ATP8B1: variants seen among roughly 807,000 people sequenced by gnomAD.
The protein encoded by ATP8B1 is phospholipid-transporting ATPase IC.
A neutral mutation model predicts 149.9 loss-of-function variants in ATP8B1; 80 were observed. The ratio of observed to expected loss-of-function variants is 0.53; its 90% CI spans 0.45 to 0.64. The LOEUF (loss-of-function observed/expected upper bound fraction) is 0.64. Ranked by LOEUF, ATP8B1 falls within the 30% of genes least tolerant of loss-of-function variation. ATP8B1 has a pLI of 0.00. For missense variants in ATP8B1, 1,247 were observed against 1,552.6 expected (o/e 0.80, Z 3.31); for synonymous variants, 536 against 562.8 (o/e 0.95, Z 0.67).
At chr18:57,697,731 G>C in intron 7 of ATP8B1, 43 bp from the exon 8 acceptor site, 1 of 1,612,972 alleles carries the variant, frequency 6.2e-7, no homozygotes, top group Non-Finnish European at 8.5e-7. Context: ...GACCCTGAGG[G>C]AAAAGCCGAG....
intron 1 of ATP8B1, among the ~76,000 whole-genome samples, chr18:57,788,530 G>T (rs1187571056): frequency 6.6e-6 from 1 of 151,470 alleles, no homozygotes; most frequent in Non-Finnish European, 1.5e-5. Context: ...ACTCCAGCCT[G>T]GGTGACAGAG....
At chr18:57,665,724 T>C (rs978535404) in intron 20 of ATP8B1, among the ~76,000 whole-genome samples, 2 of 152,088 alleles carry the variant, frequency 1.3e-5, no homozygotes, top group African/African-American at 2.4e-5. Context: ...GGCTAATTTT[T>C]GTATTTTTAG....
At chr18:57,724,562 C>A (rs2079684540) in intron 2 of ATP8B1, among the ~76,000 whole-genome samples, 1 of 152,000 alleles carries the variant, frequency 6.6e-6, no homozygotes, top group Non-Finnish European at 1.5e-5. Context: ...TACCATCTCA[C>A]ACCAGTTAGA....
At chr18:57,746,019 A>G (rs183595097) in intron 1 of ATP8B1, among the ~76,000 whole-genome samples, 1 of 152,196 alleles carries the variant, frequency 6.6e-6, no homozygotes, top group Non-Finnish European at 1.5e-5. Context: ...TAATAACACT[A>G]TCAGATGAAA....
chr18:57,786,307 A>G (rs1054403681), intron 1 of ATP8B1, among the ~76,000 whole-genome samples: 1 of 152,176 alleles, frequency 6.6e-6, no homozygotes, highest in African/African-American at 2.4e-5. Context: ...AAGGAATCCT[A>G]ACACACCTTT....
Position 57,648,098 on chromosome 18 carries a change from T to C in ATP8B1, c.*390A>G. The C allele has an allele frequency of 8.6e-6, 3 of 348,122 alleles. No individual in the cohort carries two copies. The highest frequency in any genetic ancestry group is 1.7e-5 in the Non-Finnish European group (3 of 178,950). 21.6% of individuals were successfully genotyped at this position (348,122 alleles called of 1,614,324 possible). On this transcript the variant is annotated 3_prime_UTR_variant, in exon 28 of 28. Transcript: ENST00000648908. ...ATCTCCCAGGTTCAAGCGATTCTTC[T>C]GCTTCAGCTTCTCAAATAGGTGGGA... is the stretch of plus-strand genomic sequence containing the variant.
At chr18:57,772,447 A>G (rs1249322807) in intron 1 of ATP8B1, among the ~76,000 whole-genome samples, 1 of 152,210 alleles carries the variant, frequency 6.6e-6, no homozygotes, top group Admixed American at 6.5e-5. Flanking sequence ...GAAGGCACAC[A>G]GGATTAGTTC....
At chr18:57,699,617 G>A (rs768901756) in intron 6 of ATP8B1, among the ~76,000 whole-genome samples, 1 of 152,012 alleles carries the variant, frequency 6.6e-6, no homozygotes, top group Non-Finnish European at 1.5e-5. Context: ...CCAGCTACTC[G>A]GGAAGCTGAG....
rs375315006 is a variant in ATP8B1, at chr18:57,691,657, C to T, written c.1220+150G>A. The T allele has an allele frequency of 2.1e-4, 216 of 1,051,180 alleles. No individual in the cohort carries two copies. The African/African-American group carries it at 3.3e-3, about 16-fold the overall frequency. The allele number at this position is 1,051,180 out of a possible 1,614,324, so 65.1% of individuals were successfully genotyped here. A position where few individuals can be genotyped will look rare whatever the true frequency, so the allele number is the denominator to read the frequency against. Reference sequence around the variant, plus strand: ...ATACTCAAATGTTAATTTCCTTTTCCTCTCTTACCCTCAATTCTGAAATGA... The same window carrying T: ...ATACTCAAATGTTAATTTCCTTTTCTTCTCTTACCCTCAATTCTGAAATGA... On this transcript the variant is annotated intron_variant, in intron 12 of 27. Transcript: ENST00000648908.
At position 57,650,468 on chromosome 18, in the gene ATP8B1, A is replaced by G. The variant is rs1207988220; in HGVS notation, c.3430T>C (p.Tyr1144His). The change falls in exon 27 of 28, where the codon TAC becomes CAC. Residue 1144 changes from tyrosine to histidine, a missense_variant. Tyr to His is a moderately conservative substitution (Grantham distance 83). Around this residue, in one of 3 missense-constraint regions of ATP8B1, gnomAD observed 164 missense variants for 160.3 expected, o/e 1.02. Transcript: ENST00000648908. Reference protein sequence around the residue: ...GTASNALRQPYIWLTIILAVA... With the variant: ...GTASNALRQPHIWLTIILAVA... Reference sequence around the variant, plus strand: ...GCCAGGATGATAGTTAACCAAATGTATGGCTGTCTCAGAGCGTTTGAAGCT... The same window carrying G: ...GCCAGGATGATAGTTAACCAAATGTGTGGCTGTCTCAGAGCGTTTGAAGCT... The G allele has an allele frequency of 3.5e-5, 56 of 1,613,784 alleles. No individual in the cohort carries two copies. Among genetic ancestry groups the G allele is most frequent in the Non-Finnish European group, 4.4e-5 (52 of 1,179,838 alleles).
Position 57,732,129 on chromosome 18 carries a change from G to GTGTA in ATP8B1, c.-25-298_-25-297insTACA, listed in dbSNP as rs1568043898. The stretch of plus-strand genomic sequence containing the variant: ...TATATGTATATATGTATATATATGT[G>GTGTA]TATATGTATATATGTGTATATATGT... On this transcript the variant is annotated intron_variant, in intron 1 of 27. Coordinates refer to ENST00000648908, the MANE Select transcript of ATP8B1 (RefSeq NM_001374385.1). 10 of 41,472 alleles carry GTGTA rather than the reference G, an allele frequency of 2.4e-4. 3 individuals are homozygous for GTGTA. The highest frequency in any genetic ancestry group is 7.0e-4 in the African/African-American group (9 of 12,798). 2.6% of individuals were successfully genotyped at this position (41,472 alleles called of 1,614,324 possible).
chr18:57,761,809 G>A (rs561430987), intron 1 of ATP8B1, among the ~76,000 whole-genome samples: 204 of 151,562 alleles, frequency 1.3e-3, no homozygotes, highest in Non-Finnish European at 2.5e-3. Flanking sequence ...AATTAGCTGG[G>A]CATGGTGGTA....
At chr18:57,770,156 C>A (rs539710650) in intron 1 of ATP8B1, among the ~76,000 whole-genome samples, 1 of 151,216 alleles carries the variant, frequency 6.6e-6, no homozygotes, top group South Asian at 2.1e-4. Context: ...GCAACCTCTG[C>A]CTCCCAGGTT....
chr18:57,711,322 A>G (rs1833337265), intron 2 of ATP8B1, among the ~76,000 whole-genome samples: 1 of 152,254 alleles, frequency 6.6e-6, no homozygotes, highest in Non-Finnish European at 1.5e-5. Flanking sequence ...CAAAAAAAGA[A>G]TGAGGTGACC....
chr18:57,667,017 G>T, intron 20 of ATP8B1, 75 bp downstream of exon 20: 2 of 1,333,428 alleles, frequency 1.5e-6, no homozygotes, highest in Non-Finnish European at 2.2e-6. Context: ...CTTCATATCT[G>T]CTATCTTCTA....
At chr18:57,693,220 T>C (rs1912628146) in intron 11 of ATP8B1, among the ~76,000 whole-genome samples, 1 of 152,224 alleles carries the variant, frequency 6.6e-6, no homozygotes, top group South Asian at 2.1e-4. Flanking sequence ...TTGAATTAAA[T>C]ACTTGAAAAA....
rs1028784455 is a variant in ATP8B1 at position 57,796,182 on chromosome 18, T to C, written c.-26+6816A>G. Among the ~76,000 whole-genome samples the C allele has an allele frequency of 1.3e-5, 2 of 151,984 alleles. 1 individual carries two copies. The highest frequency in any genetic ancestry group is 4.1e-4 in the South Asian group (2 of 4,820). ...GACCCCATCTCAAAAAATAAAAAAATTTAAAAACTCCCATGAAATAAACTT... is the reference window on the plus strand; with the variant it reads ...GACCCCATCTCAAAAAATAAAAAAACTTAAAAACTCCCATGAAATAAACTT... On this transcript the variant is annotated intron_variant, in intron 1 of 27. Coordinates refer to ENST00000648908, the MANE Select transcript of ATP8B1 (RefSeq NM_001374385.1).
At chr18:57,747,178 C>T (rs1399172694) in intron 1 of ATP8B1, among the ~76,000 whole-genome samples, 1 of 152,124 alleles carries the variant, frequency 6.6e-6, no homozygotes, top group East Asian at 1.9e-4. Flanking sequence ...CCAGGCCGGG[C>T]GTGGTGGCTC....
chr18:57,661,448 G>A lies in ATP8B1; in HGVS notation c.2433C>T (p.Leu811=), dbSNP rs760611953. 1.9e-5 allele frequency: 31 copies of A among 1,613,028 alleles called. No homozygotes were observed. The highest frequency in any genetic ancestry group is 2.4e-5 in the Non-Finnish European group (28 of 1,179,732). ...ITGSWLNEIL[L]EKKTKRNKIL... is the part of the protein sequence containing the mutation. ...TCTTATTTCTCTTGGTCTTTTTCTC[G>A]AGAAGAATTTCATTCTGTGAAATCA... Residue 811 remains leucine (L), a synonymous_variant, in exon 22 of 28, where the codon CTC becomes CTT. Coordinates refer to ENST00000648908, the MANE Select transcript of ATP8B1 (RefSeq NM_001374385.1).
Sources: gnomAD v4.1 joint callset for allele counts (sites outside exome capture counted in the v4.1 genomes callset) on GRCh38, gnomAD v4.1.1 for gene constraint, gnomAD v4.1.1 regional missense constraint, MANE v1.5 for transcripts, NCBI Gene and HGNC (gene_info 2026-07-23, HGNC 2026-07-21) for gene names.